Variants in TNFRSF21 observed in about 807,000 individuals in gnomAD.
TNFRSF21 encodes tumor necrosis factor receptor superfamily member 21.
TNFRSF21 carries 19 observed loss-of-function variants against 45.6 expected under a neutral mutation model. The ratio of observed to expected loss-of-function variants is 0.42; its 90% CI spans 0.29 to 0.61. TNFRSF21 has a LOEUF of 0.61. Among genes scored for constraint, TNFRSF21 ranks in the 20% least tolerant of loss-of-function variants. The pLI is 0.23. For synonymous variants in TNFRSF21, 314 were observed against 335.5 expected (o/e 0.94, Z 0.70); for missense variants, 737 against 851.5 (o/e 0.87, Z 1.67).
At chr6:47,290,554 G>C (rs1029847160) in intron 1 of TNFRSF21, among the ~76,000 whole-genome samples, 2 of 152,198 alleles carry the variant, frequency 1.3e-5, no homozygotes, top group African/African-American at 4.8e-5. Context: ...TTCTCAGACT[G>C]TAAGTGGATT....
At chr6:47,293,790 T>C (rs1268896347) in intron 1 of TNFRSF21, among the ~76,000 whole-genome samples, 2 of 152,194 alleles carry the variant, frequency 1.3e-5, no homozygotes, top group South Asian at 4.1e-4. Flanking sequence ...TTAACAAAGA[T>C]AGGACTTTCT....
At position 47,287,332 on chromosome 6, in the gene TNFRSF21, AAAG is replaced by A. The variant is rs1181779697; in HGVS notation, c.97-740_97-738del. Among the ~76,000 whole-genome samples the A allele has an allele frequency of 2.4e-4, 36 of 148,636 alleles. 1 individual carries two copies. The Admixed American group carries it at 2.5e-3, about 10-fold the overall frequency. On this transcript the variant is annotated intron_variant, in intron 1 of 5. Transcript: ENST00000296861. ...CAAAAAAAAAAAAAAAAAAAAAAAA[AAAG>A]AAAAGAAAAATTGTATACTAGTCAA...
chr6:47,245,458 T>TTGTG (rs770568672), intron 4 of TNFRSF21, among the ~76,000 whole-genome samples: 6,966 of 107,702 alleles, frequency 0.065, 240 homozygotes, highest in African/African-American at 0.18. Flanking sequence ...GTGTGTGTGT[T>TTGTG]TGTGTGTGTG....
chr6:47,263,288 A>G (rs73736384), intron 3 of TNFRSF21, among the ~76,000 whole-genome samples: 4,511 of 152,262 alleles, frequency 0.03, 207 homozygotes, highest in African/African-American at 0.099. Context: ...CATCTTAAGC[A>G]TGAGGTGCCT....
rs568385472 is a variant in TNFRSF21 at position 47,308,312 on chromosome 6, G to A, written c.96+1104C>T. ...TGGCCAGGCGTTAAGCCCTTTTGGGGAAGGAGACAGCAAGCCTGCTTTTCC... is the reference window on the plus strand; with the variant it reads ...TGGCCAGGCGTTAAGCCCTTTTGGGAAAGGAGACAGCAAGCCTGCTTTTCC... On this transcript the variant is annotated intron_variant, in intron 1 of 5. Transcript: ENST00000296861. 7.2e-5 allele frequency among the ~76,000 whole-genome samples: 11 copies of A among 152,332 alleles called. No individual in the cohort carries two copies. The East Asian group carries it at 2.1e-3, about 29-fold the overall frequency.
intron 5 of TNFRSF21, 119 bp downstream of exon 5, chr6:47,234,550 GC>G (rs1764634174): frequency 1.2e-6 from 1 of 808,172 alleles, no homozygotes; most frequent in Non-Finnish European, 2.0e-6. Context: ...GTCTTCCTGG[GC>G]AGGTAATTCA....
chr6:47,258,332 C>T (rs113713461), intron 3 of TNFRSF21, among the ~76,000 whole-genome samples: 10,742 of 150,976 alleles, frequency 0.071, 502 homozygotes, highest in African/African-American at 0.13. Flanking sequence ...ATTGTACCAC[C>T]GCACCCCAGC....
At chr6:47,299,976 T>C (rs1253346197) in intron 1 of TNFRSF21, among the ~76,000 whole-genome samples, 1 of 152,204 alleles carries the variant, frequency 6.6e-6, no homozygotes, top group African/African-American at 2.4e-5. Flanking sequence ...GGAACACACC[T>C]TGGGGAAACA....
intron 1 of TNFRSF21, among the ~76,000 whole-genome samples, chr6:47,304,709 T>C (rs186912762): frequency 1.4e-4 from 21 of 152,358 alleles, no homozygotes; most frequent in African/African-American, 4.6e-4. Context: ...CCTCCCTTTT[T>C]TCCCTTCCCA....
In TNFRSF21 at chr6:47,245,186, C is replaced by A. The variant is rs140099450; in HGVS notation, c.1509+8070G>T. Among the ~76,000 whole-genome samples the A allele has an allele frequency of 4.7e-3, 716 of 152,222 alleles. 4 individuals are homozygous for A. The highest frequency in any genetic ancestry group is 0.022 in the South Asian group (104 of 4,820). ...ACTCTGTCTCAGAAAAAAATTAAAG[C>A]CCACTTCCATCCCTCTGTATAGCAG... is the stretch of plus-strand genomic sequence containing the variant. On this transcript the variant is annotated intron_variant, in intron 4 of 5. Transcript: ENST00000296861.
intron 3 of TNFRSF21, among the ~76,000 whole-genome samples, chr6:47,263,437 G>C (rs546790810): frequency 2.9e-4 from 44 of 152,312 alleles, no homozygotes; most frequent in African/African-American, 1.0e-3. Flanking sequence ...AAGGGAGAGA[G>C]AGTGTGTACA....
intron 1 of TNFRSF21, among the ~76,000 whole-genome samples, chr6:47,298,858 T>G (rs1315881754): frequency 3.9e-5 from 6 of 152,168 alleles, no homozygotes; most frequent in Non-Finnish European, 5.9e-5. Flanking sequence ...CAATCAATAT[T>G]AACCTACTGA....
At chr6:47,241,799 A>G (rs1041314135) in intron 4 of TNFRSF21, among the ~76,000 whole-genome samples, 1 of 152,138 alleles carries the variant, frequency 6.6e-6, no homozygotes, top group African/African-American at 2.4e-5. Context: ...AAATTCCCCA[A>G]ACTTTTCCTG....
chr6:47,282,118 G>A (rs2113862594), intron 3 of TNFRSF21, among the ~76,000 whole-genome samples: 1 of 152,232 alleles, frequency 6.6e-6, no homozygotes, highest in South Asian at 2.1e-4. Context: ...GGGCAAGGTG[G>A]CTCACACCTG....
chr6:47,251,659 C>T (rs979065727), intron 4 of TNFRSF21, among the ~76,000 whole-genome samples: 2 of 152,146 alleles, frequency 1.3e-5, no homozygotes, highest in Non-Finnish European at 2.9e-5. Flanking sequence ...TATCTAAATC[C>T]TTCTTTGAGC....
chr6:47,270,865 C>T (rs1048676513), intron 3 of TNFRSF21, among the ~76,000 whole-genome samples: 3 of 152,052 alleles, frequency 2.0e-5, no homozygotes, highest in African/African-American at 7.2e-5. Flanking sequence ...AACTTCGAGA[C>T]ACATGCACAA....
chr6:47,235,887 A>C (rs535546602), intron 4 of TNFRSF21, among the ~76,000 whole-genome samples: 7 of 152,314 alleles, frequency 4.6e-5, no homozygotes, highest in Admixed American at 3.9e-4. Context: ...CAAACACACA[A>C]GATGGTTTCA....
intron 3 of TNFRSF21, among the ~76,000 whole-genome samples, chr6:47,274,355 C>T (rs1266758018): frequency 6.6e-6 from 1 of 152,202 alleles, no homozygotes; most frequent in Non-Finnish European, 1.5e-5. Flanking sequence ...ACCACCTGAT[C>T]TTTGACAAAC....
At chr6:47,275,601 T>C (rs1308360488) in intron 3 of TNFRSF21, among the ~76,000 whole-genome samples, 4 of 152,120 alleles carry the variant, frequency 2.6e-5, no homozygotes, top group Non-Finnish European at 4.4e-5. Flanking sequence ...CATGTATACC[T>C]ATGTATCAAA....
Sources: allele counts gnomAD v4.1 joint callset (sites outside exome capture counted in the v4.1 genomes callset), GRCh38; gene constraint gnomAD v4.1.1; transcripts MANE v1.5; gene names NCBI Gene and HGNC (gene_info 2026-07-23, HGNC 2026-07-21).